The following PAN3 variants were observed in gnomAD, a reference collection of about 807,000 sequenced individuals.
The protein encoded by PAN3 is PAN2-PAN3 deadenylation complex subunit PAN3.
PAN3 carries 19 observed loss-of-function variants against 96.2 expected under a neutral mutation model. The observed-to-expected ratio is 0.20, with a 90% CI of 0.14 to 0.29. PAN3 has a LOEUF of 0.29. Ranked by LOEUF, PAN3 falls within the 10% of genes least tolerant of loss-of-function variation. The pLI is 1.00. For synonymous variants in PAN3, 433 were observed against 406.6 expected (o/e 1.06, Z -0.78); for missense variants, 882 against 1,108.1 (o/e 0.80, Z 2.90).
intron 6 of PAN3, among the ~76,000 whole-genome samples, chr13:28,225,483 T>C (rs1424944992): frequency 6.6e-6 from 1 of 152,202 alleles, no homozygotes; most frequent in Non-Finnish European, 1.5e-5. Context: ...GGCAATAACA[T>C]GATATTGGTT....
intron 5 of PAN3, among the ~76,000 whole-genome samples, chr13:28,218,079 C>G (rs543912699): frequency 1.3e-5 from 2 of 151,734 alleles, no homozygotes; most frequent in Non-Finnish European, 1.5e-5. Flanking sequence ...AAATATATAC[C>G]TATGCTATTT....
Position 28,288,135 on chromosome 13 carries a change from T to A in PAN3, c.2523+13T>A, listed in dbSNP as rs759152883. On this transcript the variant is annotated intron_variant, in intron 18 of 18. Transcript: ENST00000380958. ...TTGTCTTAACAAGGTAATTTGTATC[T>A]AGATTTTTTAAGATCATAATTCTGC... 3 of 1,586,918 alleles carry A rather than the reference T, an allele frequency of 1.9e-6. No homozygotes were observed. Among genetic ancestry groups the A allele is most frequent in the Non-Finnish European group, 1.7e-6 (2 of 1,168,562 alleles).
At chr13:28,266,600 C>G in intron 9 of PAN3, 115 bp from the exon 10 acceptor site, 1 of 762,320 alleles carries the variant, frequency 1.3e-6, no homozygotes, top group Non-Finnish European at 2.0e-6. Flanking sequence ...TTCTAAAATA[C>G]AAGAGCACAT....
chr13:28,230,802 G>A (rs1279214184), intron 6 of PAN3, among the ~76,000 whole-genome samples: 1 of 151,950 alleles, frequency 6.6e-6, no homozygotes, highest in Non-Finnish European at 1.5e-5. Flanking sequence ...TTTCTTGTTT[G>A]TAAACAACAC....
rs564395386 is a variant in PAN3, at chr13:28,145,843, T to G, written c.430+6756T>G. 1.2e-4 allele frequency among the ~76,000 whole-genome samples: 17 copies of G among 147,556 alleles called. No individual in the cohort carries two copies. In the South Asian group the frequency reaches 1.7e-3, roughly 15 times the overall value. On this transcript the variant is annotated intron_variant, in intron 1 of 18. Transcript: ENST00000380958. ...GGCGCAATTTTGGCACACTGCAGCC[T>G]CCACCTCCCAGGTTCAAGTGATTCT... is the stretch of plus-strand genomic sequence containing the variant.
At chr13:28,262,388 C>T (rs1182525998) in intron 9 of PAN3, among the ~76,000 whole-genome samples, 1 of 152,152 alleles carries the variant, frequency 6.6e-6, no homozygotes, top group African/African-American at 2.4e-5. Flanking sequence ...ATAAAGATCT[C>T]AAAATGCCTG....
chr13:28,187,152 C>T (rs970999179), intron 4 of PAN3, among the ~76,000 whole-genome samples: 1 of 151,796 alleles, frequency 6.6e-6, no homozygotes, highest in African/African-American at 2.4e-5. Context: ...CATGGCGAAA[C>T]ACTGTCTCTA....
intron 1 of PAN3, among the ~76,000 whole-genome samples, chr13:28,155,487 G>T (rs1872019433): frequency 1.3e-5 from 2 of 152,112 alleles, no homozygotes; most frequent in Admixed American, 1.3e-4. Flanking sequence ...CCACTGGGAG[G>T]CTGAGGAAGG....
chr13:28,211,669 C>T (rs1236026636), intron 5 of PAN3, among the ~76,000 whole-genome samples: 2 of 152,120 alleles, frequency 1.3e-5, no homozygotes, highest in Admixed American at 6.5e-5. Flanking sequence ...TTAATATTTT[C>T]AAAACATTAC....
At chr13:28,200,103 A>C (rs1331673347) in intron 5 of PAN3, among the ~76,000 whole-genome samples, 1 of 152,188 alleles carries the variant, frequency 6.6e-6, no homozygotes, top group Admixed American at 6.5e-5. Flanking sequence ...ATTTGAGTCC[A>C]CTTTTGTCAG....
chr13:28,186,056 C>CCCCAATAAAACCCG (rs1876425545), intron 4 of PAN3, among the ~76,000 whole-genome samples: 1 of 152,218 alleles, frequency 6.6e-6, no homozygotes, highest in African/African-American at 2.4e-5. Context: ...TTCCCCAACT[C>CCCCAATAAAACCCG]TGTTTTATTC....
intron 15 of PAN3, among the ~76,000 whole-genome samples, chr13:28,279,705 AGCCGAGATCAC>A (rs1887312806): frequency 6.6e-6 from 1 of 151,152 alleles, no homozygotes; most frequent in Non-Finnish European, 1.5e-5. Context: ...GGTTGCAGTG[AGCCGAGATCAC>A]GCCACTGCAC....
chr13:28,267,433 G>A (rs1256549818), intron 12 of PAN3, 32 bp downstream of exon 12: 4 of 1,529,044 alleles, frequency 2.6e-6, no homozygotes, highest in Admixed American at 1.7e-5. Context: ...ACTATATTTT[G>A]ACTAATGCTT....
chr13:28,234,333 T>C (rs1882878122), intron 6 of PAN3, among the ~76,000 whole-genome samples: 1 of 152,172 alleles, frequency 6.6e-6, no homozygotes, highest in Non-Finnish European at 1.5e-5. Flanking sequence ...AGTGCTGAGA[T>C]TACTGGCCTC....
intron 6 of PAN3, among the ~76,000 whole-genome samples, chr13:28,220,581 A>G (rs570742750): frequency 6.6e-6 from 1 of 152,316 alleles, no homozygotes; most frequent in African/African-American, 2.4e-5. Flanking sequence ...GAAATTACAT[A>G]TAAGAATTTT....
Position 28,266,834 on chromosome 13 carries a change from A to G in PAN3, c.1531A>G (p.Asn511Asp), listed in dbSNP as rs766481765. The G allele has an allele frequency of 1.9e-5, 31 of 1,609,160 alleles. No homozygotes were observed. The highest frequency in any genetic ancestry group is 1.6e-4 in the Middle Eastern group (1 of 6,070). Reference sequence around the variant, plus strand: ...TATTACATCTTGCTACAAAGCTGTAAACAGCAAAGATGATCTGCCATATTG... The same window carrying G: ...TATTACATCTTGCTACAAAGCTGTAGACAGCAAAGATGATCTGCCATATTG... ...GYITSCYKAVNSKDDLPYCLR... is the reference protein window; with the variant it reads ...GYITSCYKAVDSKDDLPYCLR... Residue 511 changes from asparagine to aspartate, a missense_variant, in exon 10 of 19, where the codon AAC (asparagine) becomes GAC (aspartate). This residue lies in a region of PAN3 where 364 missense variants were observed against 513.6 expected (regional missense o/e 0.71). Coordinates refer to ENST00000380958, the MANE Select transcript of PAN3 (RefSeq NM_175854.8).
At chr13:28,213,045 C>A (rs1164037288) in intron 5 of PAN3, among the ~76,000 whole-genome samples, 1 of 151,880 alleles carries the variant, frequency 6.6e-6, no homozygotes. Flanking sequence ...AAAACAAAAC[C>A]ATTTTTGAGG....
intron 7 of PAN3, among the ~76,000 whole-genome samples, chr13:28,259,787 C>A (rs1031289188): frequency 2.6e-5 from 4 of 151,826 alleles, no homozygotes; most frequent in African/African-American, 7.3e-5. Context: ...TACAGGCTTG[C>A]GCCACCATGC....
At chr13:28,178,477 T>A (rs957512991) in intron 4 of PAN3, among the ~76,000 whole-genome samples, 4 of 152,154 alleles carry the variant, frequency 2.6e-5, no homozygotes, top group African/African-American at 9.6e-5. Context: ...TTATAAGGAC[T>A]GATGTTGTGA....
Sources: gnomAD v4.1 joint callset for allele counts (sites outside exome capture counted in the v4.1 genomes callset) on GRCh38, gnomAD v4.1.1 for gene constraint, gnomAD v4.1.1 regional missense constraint, MANE v1.5 for transcripts, NCBI Gene and HGNC (gene_info 2026-07-23, HGNC 2026-07-21) for gene names.